TECRL: variants seen among roughly 807,000 people sequenced by gnomAD.
TECRL encodes trans-2,3-enoyl-CoA reductase-like.
A neutral mutation model predicts 52.8 loss-of-function variants in TECRL; 63 were observed. The ratio of observed to expected loss-of-function variants is 1.19; its 90% CI spans 0.97 to 1.47. The LOEUF is 1.47. Ranked by LOEUF, TECRL falls within the 40% of genes most tolerant of loss-of-function variation. TECRL has a pLI of 0.00. For missense variants in TECRL, 482 were observed against 429.6 expected (o/e 1.12, Z -1.08); for synonymous variants, 164 against 141.9 (o/e 1.16, Z -1.10).
At chr4:64,304,062 T>A (rs925907608) in intron 7 of TECRL, among the ~76,000 whole-genome samples, 2 of 143,080 alleles carry the variant, frequency 1.4e-5, no homozygotes, top group Admixed American at 1.4e-4. Context: ...TAACAAATAG[T>A]CAGTTTTCAA....
intron 8 of TECRL, among the ~76,000 whole-genome samples, chr4:64,294,521 C>T (rs775704879): frequency 1.3e-5 from 2 of 151,928 alleles, no homozygotes; most frequent in Non-Finnish European, 2.9e-5. Context: ...TAGGTACCGA[C>T]GAAGAAACAT....
At chr4:64,303,150 G>A (rs971260250) in intron 7 of TECRL, among the ~76,000 whole-genome samples, 5 of 151,286 alleles carry the variant, frequency 3.3e-5, no homozygotes, top group African/African-American at 1.2e-4. Flanking sequence ...TTTGAAATGG[G>A]AAAATATTCT....
chr4:64,376,062 A>G (rs1221517122), intron 1 of TECRL, among the ~76,000 whole-genome samples: 1 of 151,926 alleles, frequency 6.6e-6, no homozygotes, highest in South Asian at 2.1e-4. Flanking sequence ...AAATCCCCTT[A>G]TAACTGTTTT....
chr4:64,359,321 T>C (rs921742391), intron 2 of TECRL, among the ~76,000 whole-genome samples: 1 of 152,084 alleles, frequency 6.6e-6, no homozygotes, highest in Admixed American at 6.6e-5. Context: ...CTTTAGAATA[T>C]GATGACTACT....
At chr4:64,329,192 A>G (rs1718461067) in intron 2 of TECRL, among the ~76,000 whole-genome samples, 1 of 151,984 alleles carries the variant, frequency 6.6e-6, no homozygotes, top group Non-Finnish European at 1.5e-5. Flanking sequence ...ATTCACAATT[A>G]TCAGAATATA....
intron 2 of TECRL, among the ~76,000 whole-genome samples, chr4:64,331,321 T>C (rs970234294): frequency 3.9e-5 from 6 of 152,240 alleles, no homozygotes; most frequent in African/African-American, 7.2e-5. Flanking sequence ...AACACTCTCA[T>C]TGAAACTTTA....
At chr4:64,326,425 T>C (rs1003414706) in intron 3 of TECRL, among the ~76,000 whole-genome samples, 3 of 152,132 alleles carry the variant, frequency 2.0e-5, no homozygotes, top group African/African-American at 7.2e-5. Context: ...ACCTTGTAGT[T>C]CTTCTCAGTG....
chr4:64,279,732 C>A lies in TECRL; in HGVS notation c.*340G>T, dbSNP rs889507292. On this transcript the variant is annotated 3_prime_UTR_variant, in exon 12 of 12. Transcript: ENST00000381210. ...TCCTTTGGGAAATGTCTGTTCAGAT[C>A]GCTTTTTCATTTGTTAATCAGATTT... 3 of 917,924 alleles carry A rather than the reference C, an allele frequency of 3.3e-6. No individual in the cohort carries two copies. The highest frequency in any genetic ancestry group is 2.1e-5 in the African/African-American group (1 of 48,066). The allele number at this position is 917,924 out of a possible 1,614,324, so 56.9% of individuals were successfully genotyped here.
Position 64,329,196 on chromosome 4 carries a change from G to A in TECRL, c.287-640C>T, listed in dbSNP as rs755359989. On this transcript the variant is annotated intron_variant, in intron 2 of 11. Transcript: ENST00000381210. ...ATGAAGAGTTGATTCACAATTATCAGAATATAACTTTATCTTAAAATAAAT... is the reference window on the plus strand; with the variant it reads ...ATGAAGAGTTGATTCACAATTATCAAAATATAACTTTATCTTAAAATAAAT... 3.6e-4 allele frequency among the ~76,000 whole-genome samples: 54 copies of A among 151,788 alleles called. 1 individual carries two copies. The highest frequency in any genetic ancestry group is 8.8e-5 in the Non-Finnish European group (6 of 67,842).
chr4:64,300,094 G>T, intron 7 of TECRL, 77 bp from the exon 8 acceptor site: 1 of 1,084,476 alleles, frequency 9.2e-7, no homozygotes, highest in Non-Finnish European at 1.3e-6. Flanking sequence ...AATTCAGGCA[G>T]TATTTATTGG....
chr4:64,302,397 GAA>G (rs1724074926), intron 7 of TECRL, among the ~76,000 whole-genome samples: 1 of 151,222 alleles, frequency 6.6e-6, no homozygotes, highest in South Asian at 2.1e-4. Context: ...AGAGAGCAAA[GAA>G]GAGCAGTGTC....
intron 2 of TECRL, among the ~76,000 whole-genome samples, chr4:64,355,054 C>A (rs2109587954): frequency 6.6e-6 from 1 of 152,252 alleles, no homozygotes; most frequent in East Asian, 1.9e-4. Flanking sequence ...GATATATCAT[C>A]ATTTTAGAAT....
chr4:64,329,839 C>A (rs890544884), intron 2 of TECRL, among the ~76,000 whole-genome samples: 7 of 151,604 alleles, frequency 4.6e-5, no homozygotes, highest in African/African-American at 1.5e-4. Flanking sequence ...ATTATTAGTA[C>A]TTTTTAAATA....
intron 2 of TECRL, among the ~76,000 whole-genome samples, chr4:64,343,408 ATTAAAG>A: frequency 6.6e-6 from 1 of 152,254 alleles, no homozygotes; most frequent in Non-Finnish European, 1.5e-5. Context: ...GCATGAGTTA[ATTAAAG>A]TTATAGAGAC....
chr4:64,355,220 CAT>C (rs954324055), intron 2 of TECRL, among the ~76,000 whole-genome samples: 15 of 152,116 alleles, frequency 9.9e-5, no homozygotes, highest in African/African-American at 3.4e-4. Context: ...ACATGAATCT[CAT>C]AGTAGGTGAA....
chr4:64,388,447 A>G (rs1723326145), intron 1 of TECRL, among the ~76,000 whole-genome samples: 1 of 151,872 alleles, frequency 6.6e-6, no homozygotes, highest in African/African-American at 2.4e-5. Flanking sequence ...TCCTTGAAGT[A>G]AGGTGACGTC....
chr4:64,322,216 A>C (rs1717947759), intron 4 of TECRL, among the ~76,000 whole-genome samples: 1 of 152,046 alleles, frequency 6.6e-6, no homozygotes, highest in Admixed American at 6.6e-5. Flanking sequence ...ATGTTTTCTT[A>C]CACATTGTTA....
chr4:64,374,650 G>A (rs1722261954), intron 2 of TECRL, among the ~76,000 whole-genome samples: 1 of 151,884 alleles, frequency 6.6e-6, no homozygotes, highest in Non-Finnish European at 1.5e-5. Context: ...CTATGAGTGA[G>A]AACATGCGGT....
chr4:64,346,379 T>C (rs1215858448), intron 2 of TECRL, among the ~76,000 whole-genome samples: 2 of 152,206 alleles, frequency 1.3e-5, no homozygotes, highest in Non-Finnish European at 2.9e-5. Context: ...GAGGTTCTTC[T>C]TGAGAGCTCT....
Sources: gnomAD v4.1 joint callset for allele counts (sites outside exome capture counted in the v4.1 genomes callset) on GRCh38, gnomAD v4.1.1 for gene constraint, MANE v1.5 for transcripts, NCBI Gene and HGNC (gene_info 2026-07-23, HGNC 2026-07-21) for gene names.